GNA14: variants seen among roughly 807,000 people sequenced by gnomAD.
The protein encoded by GNA14 is G protein subunit alpha 14.
A neutral mutation model predicts 42.0 loss-of-function variants in GNA14; 50 were observed. The observed-to-expected ratio is 1.19, with a 90% CI of 0.95 to 1.51. GNA14 has a LOEUF of 1.51. Ranked by LOEUF, GNA14 falls within the 40% of genes most tolerant of loss-of-function variation. The pLI is 0.00. For synonymous variants in GNA14, 173 were observed against 163.1 expected, an observed-to-expected ratio of 1.06 and a Z score of -0.46; for missense variants, 473 against 446.2, an observed-to-expected ratio of 1.06 and a Z score of -0.54.
At chr9:77,529,040 A>AC in intron 2 of GNA14, 29 bp downstream of exon 2, 1 of 1,599,860 alleles carries the variant, frequency 6.3e-7, no homozygotes, top group Non-Finnish European at 8.6e-7. Flanking sequence ...ACATTCACAA[A>AC]TAGGGCAAGC....
intron 1 of GNA14, among the ~76,000 whole-genome samples, chr9:77,612,443 T>C (rs1823748962): frequency 6.6e-6 from 1 of 152,120 alleles, no homozygotes; most frequent in Admixed American, 6.5e-5. Flanking sequence ...GGCCAAACAC[T>C]TCTCTCAGGG....
intron 1 of GNA14, among the ~76,000 whole-genome samples, chr9:77,584,753 A>C (rs761357311): frequency 4.6e-5 from 7 of 152,358 alleles, no homozygotes; most frequent in African/African-American, 1.4e-4. Flanking sequence ...CCATAGACAG[A>C]GCAGACTCAA....
At chr9:77,431,715 T>G in intron 3 of GNA14, 1 of 338,620 alleles carries the variant, frequency 3.0e-6, no homozygotes, top group Non-Finnish European at 5.4e-6. Context: ...TTCTAAGCTC[T>G]ATCGCTTCTA....
intron 2 of GNA14, among the ~76,000 whole-genome samples, chr9:77,486,195 T>C (rs183246877): frequency 3.3e-5 from 5 of 152,358 alleles, no homozygotes; most frequent in Admixed American, 3.3e-4. Flanking sequence ...AGCTTCTCCA[T>C]CAGCACCTGC....
At chr9:77,429,264 G>C (rs1330693044) in intron 4 of GNA14, among the ~76,000 whole-genome samples, 3 of 152,212 alleles carry the variant, frequency 2.0e-5, no homozygotes, top group Non-Finnish European at 2.9e-5. Flanking sequence ...CATTTCTGAA[G>C]ACATGCAGAG....
intron 1 of GNA14, among the ~76,000 whole-genome samples, chr9:77,630,145 C>T (rs577165114): frequency 2.7e-5 from 4 of 147,812 alleles, no homozygotes; most frequent in Admixed American, 1.4e-4. Context: ...TTTACTCTGT[C>T]ACCTAGGTTG....
At chr9:77,598,025 C>T (rs572977771) in intron 1 of GNA14, among the ~76,000 whole-genome samples, 2 of 152,252 alleles carry the variant, frequency 1.3e-5, no homozygotes, top group East Asian at 3.9e-4. Context: ...GGCAACAGAG[C>T]AAGTCTCCGT....
At chr9:77,458,490 C>T (rs941194829) in intron 2 of GNA14, among the ~76,000 whole-genome samples, 4 of 152,084 alleles carry the variant, frequency 2.6e-5, no homozygotes, top group Admixed American at 6.5e-5. Flanking sequence ...GCGAAAGTTC[C>T]GGATTTAGTT....
At chr9:77,442,608 C>T (rs1395134241) in intron 2 of GNA14, among the ~76,000 whole-genome samples, 1 of 152,160 alleles carries the variant, frequency 6.6e-6, no homozygotes, top group Non-Finnish European at 1.5e-5. Context: ...CCTCATACAC[C>T]CTTTGGCTCT....
At chr9:77,586,548 G>A (rs956735022) in intron 1 of GNA14, among the ~76,000 whole-genome samples, 4 of 152,004 alleles carry the variant, frequency 2.6e-5, no homozygotes, top group Admixed American at 2.0e-4. Context: ...CACTCAAGAA[G>A]TAAGTTTAAG....
intron 2 of GNA14, among the ~76,000 whole-genome samples, chr9:77,494,111 C>T (rs1016874330): frequency 1.3e-5 from 2 of 151,870 alleles, no homozygotes; most frequent in African/African-American, 4.8e-5. Context: ...TTAGTAGAGA[C>T]GGGGTTTCAC....
At chr9:77,525,299 T>G (rs1041046872) in intron 2 of GNA14, among the ~76,000 whole-genome samples, 25 of 152,278 alleles carry the variant, frequency 1.6e-4, no homozygotes, top group African/African-American at 6.0e-4. Context: ...AGTAGAACCA[T>G]GAGCAAAGCC....
chr9:77,623,910 C>T (rs1037664152), intron 1 of GNA14, among the ~76,000 whole-genome samples: 4 of 152,166 alleles, frequency 2.6e-5, no homozygotes, highest in African/African-American at 7.2e-5. Context: ...GGAACGCCAG[C>T]GGCACAGAAC....
chr9:77,594,801 C>T (rs1823438862), intron 1 of GNA14, among the ~76,000 whole-genome samples: 1 of 152,142 alleles, frequency 6.6e-6, no homozygotes, highest in African/African-American at 2.4e-5. Flanking sequence ...AGTTTCTGGG[C>T]AATGATAGGG....
At chr9:77,511,036 C>T (rs893583106) in intron 2 of GNA14, among the ~76,000 whole-genome samples, 23 of 148,774 alleles carry the variant, frequency 1.5e-4, no homozygotes, top group African/African-American at 4.8e-4. Context: ...TTATAGGGCA[C>T]CATGCATTTT....
At chr9:77,591,106 G>T (rs1403782232) in intron 1 of GNA14, among the ~76,000 whole-genome samples, 1 of 152,140 alleles carries the variant, frequency 6.6e-6, no homozygotes, top group Non-Finnish European at 1.5e-5. Context: ...CTCCAGGAAG[G>T]CAGACAGTGC....
At chr9:77,495,763 A>T (rs1265618312) in intron 2 of GNA14, among the ~76,000 whole-genome samples, 1 of 152,226 alleles carries the variant, frequency 6.6e-6, no homozygotes, top group Non-Finnish European at 1.5e-5. Context: ...TTACAGAAGG[A>T]AGCAAATGAG....
At chr9:77,427,488 G>A (rs1481463834) in intron 5 of GNA14, among the ~76,000 whole-genome samples, 1 of 150,416 alleles carries the variant, frequency 6.6e-6, no homozygotes, top group Non-Finnish European at 1.5e-5. Flanking sequence ...GATACAATTT[G>A]TTCAGTTATT....
chr9:77,647,105 A>G (rs771251482), intron 1 of GNA14, among the ~76,000 whole-genome samples: 1 of 152,230 alleles, frequency 6.6e-6, no homozygotes, highest in East Asian at 1.9e-4. Flanking sequence ...CTGACCTAGC[A>G]TCGGCTTTGC....
Sources: allele counts gnomAD v4.1 joint callset (sites outside exome capture counted in the v4.1 genomes callset), GRCh38; gene constraint gnomAD v4.1.1; transcripts MANE v1.5; gene names NCBI Gene and HGNC (gene_info 2026-07-23, HGNC 2026-07-21).